Variants in CLYBL observed in about 807,000 individuals in gnomAD.
CLYBL encodes the protein citramalyl-CoA lyase, also known as citramalyl-CoA lyase, mitochondrial.
CLYBL carries 31 observed loss-of-function variants against 38.9 expected under a neutral mutation model. That is an observed-to-expected ratio of 0.80 (90% CI 0.60 to 1.08). The LOEUF (loss-of-function observed/expected upper bound fraction) is 1.08, where lower values mean the gene tolerates loss of function less well. CLYBL is among the 50% of genes least tolerant of loss of function. The probability of loss-of-function intolerance (pLI) is 0.00; values close to 1 mark genes in which losing one functional copy is unlikely to be tolerated. For synonymous variants in CLYBL, 171 were observed against 158.6 expected (o/e 1.08, Z -0.59); for missense variants, 434 against 411.6 (o/e 1.05, Z -0.47).
chr13:99,714,955 A>T (rs1177640536), intron 1 of CLYBL, among the ~76,000 whole-genome samples: 1 of 152,130 alleles, frequency 6.6e-6, no homozygotes, highest in Non-Finnish European at 1.5e-5. Context: ...TCTCTAAATA[A>T]ATAAATAAAT....
chr13:99,828,624 G>A (rs555475429), intron 2 of CLYBL, among the ~76,000 whole-genome samples: 126 of 152,276 alleles, frequency 8.3e-4, no homozygotes, highest in African/African-American at 2.7e-3. Flanking sequence ...CTTCGTCAGT[G>A]TTGGCTATTG....
intron 2 of CLYBL, among the ~76,000 whole-genome samples, chr13:99,807,853 C>T (rs1229511566): frequency 1.3e-5 from 2 of 151,674 alleles, no homozygotes; most frequent in Non-Finnish European, 2.9e-5. Context: ...ATAACTTGGG[C>T]CTAATCTAGG....
chr13:99,881,418 C>T (rs184320435), intron 7 of CLYBL, among the ~76,000 whole-genome samples: 2 of 152,196 alleles, frequency 1.3e-5, no homozygotes, highest in East Asian at 3.9e-4. Context: ...TTACTATCTT[C>T]CTGACAGTTG....
At chr13:99,891,609 T>G (rs1361818053) in intron 8 of CLYBL, 172 bp downstream of exon 8, 1 of 531,314 alleles carries the variant, frequency 1.9e-6, no homozygotes. Flanking sequence ...GCTTTTCCCT[T>G]TGGATCCAAG....
intron 2 of CLYBL, 118 bp from the exon 3 acceptor site, chr13:99,858,743 T>C: frequency 3.0e-6 from 2 of 665,680 alleles, no homozygotes; most frequent in East Asian, 2.8e-5. Flanking sequence ...GGACAGGAAA[T>C]GTGTAGATAG....
rs900754651 is a variant in CLYBL, at chr13:99,858,959, G to A, written c.348G>A (p.Ala116=). 3.7e-6 allele frequency: 6 copies of A among 1,613,962 alleles called. No homozygotes were observed. The highest frequency in any genetic ancestry group is 2.2e-5 in the East Asian group (1 of 44,866). The change falls in exon 3 of 9, where the codon GCG becomes GCA. Residue 116 remains alanine (A), a synonymous_variant. Transcript: ENST00000339105. The part of the protein sequence containing the change: ...VRVNSVSSGL[A]EEDLETLLQS... ...TCAACTCAGTTTCCAGTGGTCTGGC[G>A]GAAGAAGACCTAGAGACCCTTTTGC...
intron 1 of CLYBL, among the ~76,000 whole-genome samples, chr13:99,721,601 A>G (rs2048393888): frequency 1.3e-5 from 2 of 150,290 alleles, no homozygotes; most frequent in African/African-American, 4.9e-5. Context: ...TACATTAGTT[A>G]TATCTCCTAA....
chr13:99,633,362 A>G (rs2046975681), intron 1 of CLYBL, among the ~76,000 whole-genome samples: 1 of 151,904 alleles, frequency 6.6e-6, no homozygotes, highest in Non-Finnish European at 1.5e-5. Flanking sequence ...CAACATGGCA[A>G]AACCCCGTCT....
At chr13:99,630,958 A>G (rs1282757379) in intron 1 of CLYBL, among the ~76,000 whole-genome samples, 4 of 152,122 alleles carry the variant, frequency 2.6e-5, no homozygotes, top group Non-Finnish European at 4.4e-5. Context: ...TTGCTGAACC[A>G]CTACACTTTA....
At chr13:99,711,079 G>A (rs912600062) in intron 1 of CLYBL, among the ~76,000 whole-genome samples, 13 of 151,748 alleles carry the variant, frequency 8.6e-5, no homozygotes, top group African/African-American at 3.1e-4. Context: ...GTAGAGAGGG[G>A]TTTTGCCAGG....
rs567477642 is a variant in CLYBL at position 99,854,569 on chromosome 13, C to T, written c.250-4292C>T. ...TATTCTCCAGATGGCGAGACTGTGC[C>T]GCCCTGCCGCGAGGGACCACCTCTT... On this transcript the variant is annotated intron_variant, in intron 2 of 8. Coordinates refer to ENST00000339105, the MANE Select transcript of CLYBL (RefSeq NM_206808.5). 5.3e-5 allele frequency among the ~76,000 whole-genome samples: 8 copies of T among 152,068 alleles called. No individual in the cohort carries two copies. The East Asian group carries it at 1.2e-3, about 22-fold the overall frequency.
At chr13:99,635,315 C>T (rs990476677) in intron 1 of CLYBL, among the ~76,000 whole-genome samples, 1 of 152,030 alleles carries the variant, frequency 6.6e-6, no homozygotes, top group Non-Finnish European at 1.5e-5. Context: ...GCCCCCCACA[C>T]CCCCAACCTT....
intron 1 of CLYBL, among the ~76,000 whole-genome samples, chr13:99,645,497 C>CAAAA (rs35412408): frequency 0.01 from 964 of 94,130 alleles, 30 homozygotes; most frequent in African/African-American, 0.036. Flanking sequence ...GACTCTGTCT[C>CAAAA]AAAAAAAAAA....
intron 7 of CLYBL, among the ~76,000 whole-genome samples, chr13:99,885,593 T>A (rs1429395167): frequency 6.6e-6 from 1 of 152,120 alleles, no homozygotes; most frequent in African/African-American, 2.4e-5. Context: ...CCTATAAACA[T>A]CCTGGCACCA....
At chr13:99,641,531 C>T (rs916395395) in intron 1 of CLYBL, among the ~76,000 whole-genome samples, 15 of 151,390 alleles carry the variant, frequency 9.9e-5, no homozygotes, top group South Asian at 6.3e-4. Context: ...TAGCCGGGCA[C>T]GGTGGCAGGC....
intron 7 of CLYBL, among the ~76,000 whole-genome samples, chr13:99,884,095 C>T (rs1328089288): frequency 3.3e-5 from 5 of 152,184 alleles, no homozygotes; most frequent in East Asian, 1.9e-4. Context: ...CAGGCTCAAG[C>T]GATCTTCCCC....
At chr13:99,765,787 C>T (rs1238576467) in intron 1 of CLYBL, among the ~76,000 whole-genome samples, 1 of 151,944 alleles carries the variant, frequency 6.6e-6, no homozygotes, top group African/African-American at 2.4e-5. Context: ...TCAAGCAATC[C>T]ACCCGCCTTG....
intron 1 of CLYBL, among the ~76,000 whole-genome samples, chr13:99,607,346 G>A (rs1355447470): frequency 6.6e-6 from 1 of 151,862 alleles, no homozygotes; most frequent in Non-Finnish European, 1.5e-5. Context: ...TTATATTTTT[G>A]AAAATTTCTT....
chr13:99,647,698 G>A lies in CLYBL; in HGVS notation c.62+40941G>A, dbSNP rs549829613. ...GGCAAGAAGCATCTTAAGTCCTCTC[G>A]AAGCTGAGACACATTTCAACTGGAG... On this transcript the variant is annotated intron_variant, in intron 1 of 8. Transcript: ENST00000339105. Among the ~76,000 whole-genome samples the A allele has an allele frequency of 2.6e-5, 4 of 152,120 alleles. No homozygotes were observed. The South Asian group carries it at 8.3e-4, about 32-fold the overall frequency.
Sources: allele counts gnomAD v4.1 joint callset (sites outside exome capture counted in the v4.1 genomes callset), GRCh38; gene constraint gnomAD v4.1.1; transcripts MANE v1.5; gene names NCBI Gene and HGNC (gene_info 2026-07-23, HGNC 2026-07-21).